AMMECR1L: variants seen among roughly 807,000 people sequenced by gnomAD.
AMMECR1L encodes the protein AMMECR1-like protein.
Under a neutral mutation model 36.8 loss-of-function variants are expected in AMMECR1L, and 4 were observed. The ratio of observed to expected loss-of-function variants is 0.11; its 90% CI spans 0.05 to 0.25. The LOEUF is 0.25. AMMECR1L is among the 10% of genes least tolerant of loss of function. The probability of loss-of-function intolerance (pLI) is 1.00; values close to 1 mark genes in which losing one functional copy is unlikely to be tolerated. For missense variants in AMMECR1L, 232 were observed against 392.1 expected (o/e 0.59, Z 3.45); for synonymous variants, 147 against 148.0 (o/e 0.99, Z 0.05).
chr2:127,871,533 G>A lies in AMMECR1L; in HGVS notation c.408-174C>T, dbSNP rs1428336138. On this transcript the variant is annotated intron_variant, in intron 3 of 7. Coordinates refer to ENST00000272647, the MANE Select transcript of AMMECR1L (RefSeq NM_001199140.2). The surrounding 1 kb of genome is among the most constrained non-coding windows in gnomAD (Gnocchi z 4.3). ...TCTGAAAACGGCACAGCCCCTGGCT[G>A]GAAACGGGAAACCTACAAGGCAGCA... 6.6e-5 allele frequency among the ~76,000 whole-genome samples: 10 copies of A among 152,194 alleles called. No individual in the cohort carries two copies. Among genetic ancestry groups the A allele is most frequent in the Admixed American group, 6.5e-4 (10 of 15,282 alleles).
chr2:127,864,393 T>C lies in AMMECR1L; in HGVS notation c.*701A>G, dbSNP rs906816513. On this transcript the variant is annotated 3_prime_UTR_variant, in exon 8 of 8. Coordinates refer to ENST00000272647, the MANE Select transcript of AMMECR1L (RefSeq NM_001199140.2). ...TCTGTTCAGTAATCAGGAGACTCAATGCAGGAAGAGTGCCAGAAAATCCAA... is the reference window on the plus strand; with the variant it reads ...TCTGTTCAGTAATCAGGAGACTCAACGCAGGAAGAGTGCCAGAAAATCCAA... 1 of 152,668 alleles carries C rather than the reference T, an allele frequency of 6.6e-6. No homozygotes were observed. The highest frequency in any genetic ancestry group is 2.4e-5 in the African/African-American group (1 of 41,432). The allele number at this position is 152,668 out of a possible 1,614,324, so 9.5% of individuals were successfully genotyped here.
At chr2:127,876,725 A>T (rs1338155607) in intron 2 of AMMECR1L, among the ~76,000 whole-genome samples, 1 of 152,138 alleles carries the variant, frequency 6.6e-6, no homozygotes, top group African/African-American at 2.4e-5. Flanking sequence ...TGAGTTTAAC[A>T]TATGTAAAGA....
chr2:127,882,754 C>T (rs542606916), intron 2 of AMMECR1L, among the ~76,000 whole-genome samples: 13 of 151,302 alleles, frequency 8.6e-5, no homozygotes, highest in African/African-American at 2.4e-4. Flanking sequence ...CCACCACACT[C>T]GGCCAATTTT....
rs536980837 is a variant in AMMECR1L at position 127,863,710 on chromosome 2, CCA to C, written c.*1382_*1383del. The C allele has an allele frequency of 4.6e-3, 698 of 152,760 alleles. 1 individual carries two copies. The highest frequency in any genetic ancestry group is 7.5e-3 in the South Asian group (36 of 4,826). The allele number at this position is 152,760 out of a possible 1,614,324, so 9.5% of individuals were successfully genotyped here. ...TCCTTAGGATCCTTCTTCCAACTGG[CCA>C]CTCTCCCTGTGAATCATTTTAGCAG... On this transcript the variant is annotated 3_prime_UTR_variant, in exon 8 of 8. Transcript: ENST00000272647.
chr2:127,871,214 A>G lies in AMMECR1L; in HGVS notation c.518+35T>C, dbSNP rs375158009. 6.2e-7 allele frequency: 1 copy of G among 1,601,512 alleles called. No individual in the cohort carries two copies. Among genetic ancestry groups the G allele is most frequent in the African/African-American group, 1.3e-5 (1 of 74,642 alleles). ...AGGCAGCTATTTCTGATTCTAGCCA[A>G]TTTATCTACAGTTCTTAATGTCTGG... On this transcript the variant is annotated intron_variant, in intron 4 of 7. Transcript: ENST00000272647. This position sits in a 1 kb window ranked among gnomAD's most constrained non-coding sequence, Gnocchi z 4.3.
At chr2:127,877,032 T>TATAC (rs199577177) in intron 2 of AMMECR1L, among the ~76,000 whole-genome samples, 1 of 42,478 alleles carries the variant, frequency 2.4e-5, no homozygotes, top group East Asian at 5.0e-4. Flanking sequence ...TATATATATA[T>TATAC]ATACATATAT....
At chr2:127,880,621 G>C (rs751141765) in intron 2 of AMMECR1L, among the ~76,000 whole-genome samples, 4 of 152,204 alleles carry the variant, frequency 2.6e-5, no homozygotes, top group South Asian at 2.1e-4. Context: ...CTCCCTCTCT[G>C]TGGGGACGCT....
Position 127,871,390 on chromosome 2 carries a change from A to G in AMMECR1L, c.408-31T>C. ...AAAAGCAAAACACAAAACATTCTCC[A>G]GCCCCAAATTAATCATGGATAAGAA... is the stretch of plus-strand genomic sequence containing the variant. On this transcript the variant is annotated intron_variant, in intron 3 of 7. Coordinates refer to ENST00000272647, the MANE Select transcript of AMMECR1L (RefSeq NM_001199140.2). The surrounding 1 kb of genome is among the most constrained non-coding windows in gnomAD (Gnocchi z 4.3). 1 of 1,599,600 alleles carries G rather than the reference A, an allele frequency of 6.3e-7. No homozygotes were observed. Among genetic ancestry groups the G allele is most frequent in the Non-Finnish European group, 8.5e-7 (1 of 1,171,548 alleles).
chr2:127,879,658 A>G (rs1206089777), intron 2 of AMMECR1L, among the ~76,000 whole-genome samples: 2 of 152,206 alleles, frequency 1.3e-5, no homozygotes, highest in African/African-American at 4.8e-5. Context: ...AACAAATTTC[A>G]TCGAAATTTT....
chr2:127,873,043 C>A lies in AMMECR1L; in HGVS notation c.407+785G>T. On this transcript the variant is annotated intron_variant, in intron 3 of 7. Coordinates refer to ENST00000272647, the MANE Select transcript of AMMECR1L (RefSeq NM_001199140.2). The surrounding 1 kb of genome is among the most constrained non-coding windows in gnomAD (Gnocchi z 5.2). ...TCTTCACACCCTCTCCATGCCCCAGCCAAGGTTTTGTAGTCTCCGTATGGC... is the reference window on the plus strand; with the variant it reads ...TCTTCACACCCTCTCCATGCCCCAGACAAGGTTTTGTAGTCTCCGTATGGC... 1 of 985,354 alleles carries A rather than the reference C, an allele frequency of 1.0e-6. No individual in the cohort carries two copies. The highest frequency in any genetic ancestry group is 1.2e-6 in the Non-Finnish European group (1 of 829,924). The allele number at this position is 985,354 out of a possible 1,614,324, so 61.0% of individuals were successfully genotyped here. A position where few individuals can be genotyped will look rare whatever the true frequency, so the allele number is the denominator to read the frequency against.
Position 127,865,136 on chromosome 2 carries a change from G to A in AMMECR1L, c.891C>T (p.Asn297=), listed in dbSNP as rs142938193. The A allele has an allele frequency of 2.7e-4, 435 of 1,613,882 alleles. No individual in the cohort carries two copies. The highest frequency in any genetic ancestry group is 2.1e-3 in the Middle Eastern group (13 of 6,062). The change falls in exon 8 of 8, where the codon AAC becomes AAT. Residue 297 remains asparagine, a synonymous_variant. Transcript: ENST00000272647. This position sits in a 1 kb window ranked among gnomAD's most constrained non-coding sequence, Gnocchi z 5.4. ...AGAGGGGCGGGGCATGAAGAGTGCCGTTCTGGAAACAGTGCTGTCGGGAAG... is the reference window on the plus strand; with the variant it reads ...AGAGGGGCGGGGCATGAAGAGTGCCATTCTGGAAACAGTGCTGTCGGGAAG... The part of the protein sequence containing the change: ...YIASRQHCFQ[N]GTLHAPPLYN...
At chr2:127,882,840 A>C (rs1023607534) in intron 2 of AMMECR1L, among the ~76,000 whole-genome samples, 4 of 151,582 alleles carry the variant, frequency 2.6e-5, no homozygotes, top group Non-Finnish European at 5.9e-5. Context: ...GCTTCAAGCA[A>C]TCCTCCTGCC....
chr2:127,880,744 GC>G (rs1691457884), intron 2 of AMMECR1L, among the ~76,000 whole-genome samples: 1 of 150,786 alleles, frequency 6.6e-6, no homozygotes, highest in South Asian at 2.1e-4. Flanking sequence ...ATCTTTCACT[GC>G]ACCTAACATG....
Position 127,875,367 on chromosome 2 carries a change from G to A in AMMECR1L, c.-38-1095C>T, listed in dbSNP as rs1312622412. ...TCATTGTATGTTATTGTTTTGGCTGGAAAGAGAGAGAAAGAAGGGCAAGTG... is the reference window on the plus strand; with the variant it reads ...TCATTGTATGTTATTGTTTTGGCTGAAAAGAGAGAGAAAGAAGGGCAAGTG... On this transcript the variant is annotated intron_variant, in intron 2 of 7. Transcript: ENST00000272647. Among the ~76,000 whole-genome samples the A allele has an allele frequency of 2.0e-5, 3 of 152,224 alleles. No individual in the cohort carries two copies. The East Asian group carries it at 5.8e-4, about 29-fold the overall frequency.
chr2:127,878,295 T>C (rs1402106825), intron 2 of AMMECR1L, among the ~76,000 whole-genome samples: 2 of 152,106 alleles, frequency 1.3e-5, no homozygotes, highest in African/African-American at 2.4e-5. Context: ...TGTGCAACTG[T>C]GGGCAGCGAG....
rs988459406 is a variant in AMMECR1L at position 127,864,925 on chromosome 2, T to A, written c.*169A>T. 2 of 536,330 alleles carry A rather than the reference T, an allele frequency of 3.7e-6. No individual in the cohort carries two copies. Among genetic ancestry groups the A allele is most frequent in the African/African-American group, 1.9e-5 (1 of 51,910 alleles). The allele number at this position is 536,330 out of a possible 1,614,324, so 33.2% of individuals were successfully genotyped here. A position where few individuals can be genotyped will look rare whatever the true frequency, so the allele number is the denominator to read the frequency against. ...CCCTCAAGTTCTGTTTCGTTCAAGG[T>A]AACCCTACCCTCCCTCAGTCAGCGG... On this transcript the variant is annotated 3_prime_UTR_variant, in exon 8 of 8. Transcript: ENST00000272647.
Position 127,871,157 on chromosome 2 carries a change from C to A in AMMECR1L, c.518+92G>T. 1 of 1,379,230 alleles carries A rather than the reference C, an allele frequency of 7.3e-7. No individual in the cohort carries two copies. 85.4% of individuals were successfully genotyped at this position (1,379,230 alleles called of 1,614,324 possible). A position where few individuals can be genotyped will look rare whatever the true frequency, so the allele number is the denominator to read the frequency against. ...TTTCCTGATTACCAAAAAGAGAAAGCTCAACGTACATCACTTAGAAGAAAT... is the reference window on the plus strand; with the variant it reads ...TTTCCTGATTACCAAAAAGAGAAAGATCAACGTACATCACTTAGAAGAAAT... On this transcript the variant is annotated intron_variant, in intron 4 of 7. Coordinates refer to ENST00000272647, the MANE Select transcript of AMMECR1L (RefSeq NM_001199140.2). The surrounding 1 kb of genome is among the most constrained non-coding windows in gnomAD (Gnocchi z 4.3).
At position 127,869,057 on chromosome 2, in the gene AMMECR1L, T is replaced by C. The variant is rs529796623; in HGVS notation, c.724+397A>G. On this transcript the variant is annotated intron_variant, in intron 6 of 7. Coordinates refer to ENST00000272647, the MANE Select transcript of AMMECR1L (RefSeq NM_001199140.2). The surrounding 1 kb of genome is among the most constrained non-coding windows in gnomAD (Gnocchi z 4.7). ...GTTCTTTAAAAAACAGTAGGGACTA[T>C]GTTTACACCCTTTGCCATGTATAAT... 1.3e-5 allele frequency among the ~76,000 whole-genome samples: 2 copies of C among 152,290 alleles called. No homozygotes were observed. Among genetic ancestry groups the C allele is most frequent in the East Asian group, 1.9e-4 (1 of 5,188 alleles).
intron 2 of AMMECR1L, among the ~76,000 whole-genome samples, chr2:127,881,769 A>T (rs978092872): frequency 1.3e-5 from 2 of 152,270 alleles, no homozygotes; most frequent in African/African-American, 4.8e-5. Context: ...TAGAGGAATA[A>T]TGCCCTCCTA....
Sources: allele counts gnomAD v4.1 joint callset (sites outside exome capture counted in the v4.1 genomes callset), GRCh38; gene constraint gnomAD v4.1.1; non-coding constraint Gnocchi (gnomAD v3.1); transcripts MANE v1.5; gene names NCBI Gene and HGNC (gene_info 2026-07-23, HGNC 2026-07-21).